The following PTPRD variants were observed in gnomAD, a reference collection of about 807,000 sequenced individuals.
PTPRD encodes the protein receptor-type tyrosine-protein phosphatase delta.
In PTPRD, 34 loss-of-function variants were observed where a neutral mutation model predicts 214.5. The observed-to-expected ratio is 0.16, with a 90% CI of 0.12 to 0.21. The LOEUF (loss-of-function observed/expected upper bound fraction) is 0.21, where lower values mean the gene tolerates loss of function less well. PTPRD is among the 10% of genes least tolerant of loss of function. The probability of loss-of-function intolerance (pLI) is 1.00; values close to 1 mark genes in which losing one functional copy is unlikely to be tolerated. For missense variants in PTPRD, 2,545 were observed against 2,398.7 expected (o/e 1.06, Z -1.27); for synonymous variants, 1,128 against 845.7 (o/e 1.33, Z -5.79).
intron 9 of PTPRD, among the ~76,000 whole-genome samples, chr9:9,267,604 T>C (rs1339660856): frequency 6.6e-6 from 1 of 151,232 alleles, no homozygotes. Flanking sequence ...CCAATATCCC[T>C]GGTGAGCATA....
intron 7 of PTPRD, among the ~76,000 whole-genome samples, chr9:9,643,910 A>T (rs1402793625): frequency 6.6e-6 from 1 of 152,288 alleles, no homozygotes; most frequent in East Asian, 1.9e-4. Context: ...CTAAAGAATT[A>T]TGTCAGTTAT....
intron 11 of PTPRD, among the ~76,000 whole-genome samples, chr9:9,007,885 G>GTTT (rs113485332): frequency 1.8e-5 from 2 of 108,936 alleles, no homozygotes; most frequent in African/African-American, 3.5e-5. Context: ...TTAGAAAAGT[G>GTTT]TTTTTTTTTT....
At chr9:8,422,805 T>G (rs532291494) in intron 35 of PTPRD, among the ~76,000 whole-genome samples, 12 of 152,200 alleles carry the variant, frequency 7.9e-5, no homozygotes, top group Non-Finnish European at 1.5e-4. Flanking sequence ...CTGAAAATTT[T>G]TATTCTCCTT....
intron 3 of PTPRD, among the ~76,000 whole-genome samples, chr9:10,159,219 C>CAAAG (rs920411046): frequency 1.3e-5 from 2 of 151,378 alleles, no homozygotes; most frequent in African/African-American, 4.9e-5. Flanking sequence ...AATGAAAATA[C>CAAAG]AAAGAAAGAA....
At chr9:9,321,637 T>C (rs145234448) in intron 9 of PTPRD, among the ~76,000 whole-genome samples, 5 of 152,168 alleles carry the variant, frequency 3.3e-5, no homozygotes, top group East Asian at 1.9e-4. Flanking sequence ...TAAGAAGTTA[T>C]AGTAATTAAA....
chr9:8,791,457 C>A (rs2096232689), intron 11 of PTPRD, among the ~76,000 whole-genome samples: 1 of 151,348 alleles, frequency 6.6e-6, no homozygotes, highest in Admixed American at 6.6e-5. Flanking sequence ...AACTCCTGAC[C>A]TCACGATCTG....
intron 9 of PTPRD, among the ~76,000 whole-genome samples, chr9:9,253,659 T>G (rs903076728): frequency 2.0e-5 from 3 of 152,096 alleles, no homozygotes; most frequent in Non-Finnish European, 4.4e-5. Context: ...AAAAAATGGT[T>G]TGAGTGATTT....
chr9:10,025,425 T>G (rs1313587630), intron 4 of PTPRD, among the ~76,000 whole-genome samples: 1 of 152,182 alleles, frequency 6.6e-6, no homozygotes, highest in Non-Finnish European at 1.5e-5. Context: ...CTTAAGCAAT[T>G]TTGCCTGAGA....
intron 7 of PTPRD, among the ~76,000 whole-genome samples, chr9:9,600,538 G>A (rs1015530499): frequency 1.5e-4 from 23 of 152,032 alleles, no homozygotes; most frequent in African/African-American, 5.6e-4. Context: ...TGTCTTACGA[G>A]GTGTGTGGTG....
intron 3 of PTPRD, among the ~76,000 whole-genome samples, chr9:10,084,774 T>C (rs577117533): frequency 1.6e-4 from 24 of 152,034 alleles, no homozygotes; most frequent in Non-Finnish European, 3.4e-4. Context: ...TTTACATCTT[T>C]ATTTACAAAA....
chr9:9,760,288 A>T (rs1449563298), intron 6 of PTPRD, among the ~76,000 whole-genome samples: 1 of 152,178 alleles, frequency 6.6e-6, no homozygotes, highest in East Asian at 1.9e-4. Flanking sequence ...GGTAGTATTT[A>T]AGGTGTATGA....
chr9:9,963,150 T>C (rs1000085242), intron 4 of PTPRD, among the ~76,000 whole-genome samples: 2 of 152,104 alleles, frequency 1.3e-5, no homozygotes, highest in Non-Finnish European at 2.9e-5. Context: ...TCTTCTTCCA[T>C]TTTAAAAAAT....
intron 3 of PTPRD, among the ~76,000 whole-genome samples, chr9:10,283,086 T>A (rs973941340): frequency 4.6e-5 from 7 of 151,968 alleles, no homozygotes; most frequent in Non-Finnish European, 8.8e-5. Flanking sequence ...TTTAAGACTT[T>A]CTCTTCTACC....
At chr9:9,496,991 A>AT (rs1225538625) in intron 8 of PTPRD, among the ~76,000 whole-genome samples, 3 of 152,222 alleles carry the variant, frequency 2.0e-5, no homozygotes, top group Admixed American at 6.5e-5. Context: ...CAAGCCAGTC[A>AT]TAAAAAAAGA....
rs148259024 is a variant in PTPRD, at chr9:9,103,369, C to A, written c.-143+79935G>T. Among the ~76,000 whole-genome samples, 300 of 151,602 alleles carry A rather than the reference C, an allele frequency of 2.0e-3. 1 individual carries two copies. Among genetic ancestry groups the A allele is most frequent in the African/African-American group, 7.0e-3 (291 of 41,328 alleles). ...TTTATAAATGTCTCAAGCCAAATGT[C>A]TTTTTTAAAAAAGATCAGATCTCTG... On this transcript the variant is annotated intron_variant, in intron 10 of 45. Coordinates refer to ENST00000381196, the MANE Select transcript of PTPRD (RefSeq NM_002839.4).
chr9:8,860,934 A>G (rs139503911), intron 11 of PTPRD: 7 of 152,222 alleles, frequency 4.6e-5, no homozygotes, highest in East Asian at 3.9e-4. Context: ...CAGTTTTCCA[A>G]CTTATCAATG....
chr9:9,514,427 G>C (rs978366348), intron 8 of PTPRD, among the ~76,000 whole-genome samples: 1 of 152,072 alleles, frequency 6.6e-6, no homozygotes, highest in Non-Finnish European at 1.5e-5. Flanking sequence ...GATGAAGCTA[G>C]AGCAAAAGAC....
rs532553323 is a variant in PTPRD, at chr9:9,176,662, G to A, written c.-143+6642C>T. ...AATTCATGCTGTTATAGTAGAAGTG[G>A]TTTAATTATCATGGGCATGGGTTCC... is the stretch of plus-strand genomic sequence containing the variant. On this transcript the variant is annotated intron_variant, in intron 10 of 45. Coordinates refer to ENST00000381196, the MANE Select transcript of PTPRD (RefSeq NM_002839.4). Among the ~76,000 whole-genome samples, 74 of 152,174 alleles carry A rather than the reference G, an allele frequency of 4.9e-4. 1 individual carries two copies. The highest frequency in any genetic ancestry group is 1.6e-3 in the Admixed American group (25 of 15,274).
chr9:8,508,802 C>G (rs553772301), intron 21 of PTPRD, among the ~76,000 whole-genome samples: 2 of 151,932 alleles, frequency 1.3e-5, no homozygotes, highest in South Asian at 4.2e-4. Context: ...TTTGTTAAAG[C>G]AGTCTGCAAG....
Sources: allele counts gnomAD v4.1 joint callset (sites outside exome capture counted in the v4.1 genomes callset), GRCh38; gene constraint gnomAD v4.1.1; transcripts MANE v1.5; gene names NCBI Gene and HGNC (gene_info 2026-07-23, HGNC 2026-07-21).